Variants in LCP2 observed in about 807,000 individuals in gnomAD.
The protein encoded by LCP2 is 76 kDa tyrosine phosphoprotein.
LCP2 carries 29 observed loss-of-function variants against 74.5 expected under a neutral mutation model. The observed-to-expected ratio is 0.39, with a 90% CI of 0.29 to 0.53. The LOEUF (loss-of-function observed/expected upper bound fraction) is 0.53. LCP2 is among the 20% of genes least tolerant of loss of function. LCP2 has a pLI of 0.72. For missense variants in LCP2, 604 were observed against 634.6 expected, an observed-to-expected ratio of 0.95 and a Z score of 0.52; for synonymous variants, 228 against 229.5, an observed-to-expected ratio of 0.99 and a Z score of 0.06.
chr5:170,268,324 C>A, intron 8 of LCP2, 61 bp downstream of exon 8: 2 of 276,808 alleles, frequency 7.2e-6, no homozygotes. Context: ...ATTTTTCTCT[C>A]TGGCGGAGGA....
chr5:170,273,041 T>TA (rs10675735), intron 6 of LCP2, among the ~76,000 whole-genome samples: 26,866 of 147,478 alleles, frequency 0.18, 2,717 homozygotes, highest in East Asian at 0.34. Flanking sequence ...ATAAACTCCT[T>TA]AAAAAAAAAA....
chr5:170,250,684 G>C (rs749391893), intron 20 of LCP2, 46 bp downstream of exon 20: 3 of 1,491,714 alleles, frequency 2.0e-6, no homozygotes, highest in African/African-American at 1.4e-5. Flanking sequence ...ATGCAGAGTG[G>C]CATAAATAAA....
intron 5 of LCP2, 129 bp from the exon 6 acceptor site, chr5:170,274,467 C>A: frequency 1.1e-6 from 1 of 930,028 alleles, no homozygotes. Flanking sequence ...CTACCTCCCA[C>A]ACCCCTGCAG....
intron 2 of LCP2, 109 bp from the exon 3 acceptor site, chr5:170,288,125 C>A: frequency 8.5e-7 from 1 of 1,172,506 alleles, no homozygotes; most frequent in Non-Finnish European, 1.2e-6. Context: ...GGGACTGTGG[C>A]AAACAGAGGA....
chr5:170,265,154 A>T (rs1394707771), intron 10 of LCP2, among the ~76,000 whole-genome samples: 2 of 151,652 alleles, frequency 1.3e-5, no homozygotes, highest in Non-Finnish European at 2.9e-5. Context: ...TGCCTGGTTA[A>T]TTTTTTGTAT....
At chr5:170,280,779 A>G (rs11958007) in intron 3 of LCP2, among the ~76,000 whole-genome samples, 46,459 of 152,012 alleles carry the variant, frequency 0.31, 9,104 homozygotes, top group African/African-American at 0.53. Flanking sequence ...AGGCTGAGGC[A>G]GGTGGTTCAC....
intron 16 of LCP2, among the ~76,000 whole-genome samples, chr5:170,257,679 A>G (rs2113158996): frequency 6.6e-6 from 1 of 152,292 alleles, no homozygotes; most frequent in South Asian, 2.1e-4. Context: ...CTCCCCAACT[A>G]AGATGCAGAT....
At chr5:170,295,465 C>T (rs957901108) in intron 1 of LCP2, among the ~76,000 whole-genome samples, 1 of 152,160 alleles carries the variant, frequency 6.6e-6, no homozygotes, top group South Asian at 2.1e-4. Context: ...CTCTATTTCA[C>T]TGATGAGGAA....
chr5:170,253,028 A>G (rs1269173569), intron 18 of LCP2, 91 bp downstream of exon 18: 12 of 761,912 alleles, frequency 1.6e-5, no homozygotes. Context: ...AAGGGAAGAT[A>G]AAAGTACAGA....
At chr5:170,295,685 G>A (rs927899216) in intron 1 of LCP2, among the ~76,000 whole-genome samples, 4 of 152,256 alleles carry the variant, frequency 2.6e-5, no homozygotes, top group South Asian at 2.1e-4. Context: ...ATGACTCTGC[G>A]GTCCATTCGT....
intron 2 of LCP2, among the ~76,000 whole-genome samples, chr5:170,288,401 C>G (rs1310421298): frequency 6.6e-6 from 1 of 152,174 alleles, no homozygotes; most frequent in Non-Finnish European, 1.5e-5. Context: ...GACCTCAGGC[C>G]CTCTCAGTCT....
Position 170,268,406 on chromosome 5 carries a change from T to C in LCP2, c.600A>G (p.Pro200=). Residue 200 remains proline (P), a synonymous_variant, in exon 8 of 21, where the codon CCA becomes CCG. Transcript: ENST00000046794. The stretch of plus-strand genomic sequence containing the variant: ...CTACCGAGTGATTCCGGCCGGCTGG[T>C]GGGGGCGGGAGGGCGGCCATCGGTC... The part of the protein sequence containing the change: ...PQRPMAALPP[P]PAGRNHSPLP... 4 of 466,544 alleles carry C rather than the reference T, an allele frequency of 8.6e-6. No individual in the cohort carries two copies. The highest frequency in any genetic ancestry group is 1.0e-5 in the Non-Finnish European group (4 of 386,258). The allele number at this position is 466,544 out of a possible 1,614,324, so 28.9% of individuals were successfully genotyped here.
intron 16 of LCP2, among the ~76,000 whole-genome samples, chr5:170,257,661 T>G (rs375374763): frequency 6.6e-6 from 1 of 152,180 alleles, no homozygotes; most frequent in African/African-American, 2.4e-5. Context: ...GAGGCGCATT[T>G]TCTCAGTCTC....
intron 6 of LCP2, among the ~76,000 whole-genome samples, chr5:170,273,018 A>C (rs315742): frequency 0.52 from 78,197 of 150,064 alleles, 21,109 homozygotes; most frequent in Middle Eastern, 0.72. Flanking sequence ...TTCATGAATC[A>C]CTGTTTGCTC....
intron 10 of LCP2, among the ~76,000 whole-genome samples, chr5:170,265,847 A>G (rs2113172102): frequency 6.6e-6 from 1 of 152,344 alleles, no homozygotes; most frequent in South Asian, 2.1e-4. Context: ...CTTTCCGTTC[A>G]GTTGCAGAGT....
At chr5:170,268,876 C>CATGA (rs1761829091) in intron 7 of LCP2, among the ~76,000 whole-genome samples, 1 of 42,172 alleles carries the variant, frequency 2.4e-5, no homozygotes, top group Non-Finnish European at 4.7e-5. Context: ...CATGTGCACA[C>CATGA]ATGCATGCAC....
intron 2 of LCP2, among the ~76,000 whole-genome samples, chr5:170,290,923 G>C (rs315727): frequency 0.087 from 12,377 of 142,578 alleles, 721 homozygotes; most frequent in African/African-American, 0.16. Context: ...AGTAAAGAAA[G>C]AAGAGAGAGA....
chr5:170,257,112 C>T (rs1012615666), intron 16 of LCP2, among the ~76,000 whole-genome samples: 75 of 152,094 alleles, frequency 4.9e-4, no homozygotes, highest in African/African-American at 1.5e-3. Context: ...GCAGTCTGTT[C>T]CCTCCACACT....
chr5:170,254,001 T>C (rs1242773874), intron 17 of LCP2, among the ~76,000 whole-genome samples: 1 of 152,180 alleles, frequency 6.6e-6, no homozygotes, highest in African/African-American at 2.4e-5. Context: ...AACAGAAAAA[T>C]TCTGTGAGTC....
Sources: allele counts gnomAD v4.1 joint callset (sites outside exome capture counted in the v4.1 genomes callset), GRCh38; gene constraint gnomAD v4.1.1; transcripts MANE v1.5; gene names NCBI Gene and HGNC (gene_info 2026-07-23, HGNC 2026-07-21).